The following ZFHX3 variants were observed in gnomAD, a reference collection of about 807,000 sequenced individuals.
ZFHX3 encodes zinc finger homeobox 3, also known as zinc finger homeobox protein 3.
ZFHX3 carries 42 observed loss-of-function variants against 279.1 expected under a neutral mutation model. That is an observed-to-expected ratio of 0.15 (90% CI 0.12 to 0.19). ZFHX3 has a LOEUF of 0.19. ZFHX3 is among the 10% of genes least tolerant of loss of function. The probability of loss-of-function intolerance (pLI) is 1.00; values close to 1 mark genes in which losing one functional copy is unlikely to be tolerated. For synonymous variants in ZFHX3, 2,293 were observed against 1,957.8 expected (o/e 1.17, Z -4.52); for missense variants, 4,981 against 4,754.0 (o/e 1.05, Z -1.40).
At position 73,209,396 on chromosome 16, in the gene ZFHX3, C is replaced by T. The variant is rs61265562; in HGVS notation, c.-1104+47651G>A. Among the ~76,000 whole-genome samples, 1,004 of 152,152 alleles carry T rather than the reference C, an allele frequency of 6.6e-3. 12 individuals carry two copies. Among genetic ancestry groups the T allele is most frequent in the African/African-American group, 0.023 (961 of 41,498 alleles). ...GAGGGTGGGAAGTCCAAGGTCAAGG[C>T]GCCTGCAGGTCTGGTGTCTGGTGAG... On this transcript the variant is annotated intron_variant, in intron 5 of 17. Transcript: ENST00000641206.
In ZFHX3 at chr16:72,797,920, T is replaced by C. The variant is rs150463207; in HGVS notation, c.4762A>G (p.Thr1588Ala). 2.7e-5 allele frequency: 44 copies of C among 1,614,192 alleles called. No homozygotes were observed. In the East Asian group the frequency reaches 8.9e-4, roughly 33 times the overall value. The part of the protein sequence containing the change: ...QESATGQPEP[T>A]SSPDNKPFKC... ...AAAGGTTTGTTGTCTGGGCTGCTGGTGGGTTCTGGCTGACCGGTTGCTGAT... is the reference window on the plus strand; with the variant it reads ...AAAGGTTTGTTGTCTGGGCTGCTGGCGGGTTCTGGCTGACCGGTTGCTGAT... The change falls in exon 9 of 10, where the codon ACC (threonine) becomes GCC (alanine). Residue 1588 changes from threonine (T) to alanine (A), a missense_variant. By Grantham distance (58) the Thr-to-Ala change is moderately conservative (BLOSUM62 0). Around this residue, in one of 7 missense-constraint regions of ZFHX3, gnomAD observed 1,751 missense variants for 1,770.0 expected, o/e 0.99. Transcript: ENST00000268489.
chr16:73,829,529 T>C (rs995485041), intron 1 of ZFHX3, among the ~76,000 whole-genome samples: 1 of 52,254 alleles, frequency 1.9e-5, no homozygotes, highest in Non-Finnish European at 3.3e-5. Context: ...TCCCCATCTT[T>C]GTGGTTTTAT....
At chr16:73,068,694 G>A (rs915930764) in intron 8 of ZFHX3, among the ~76,000 whole-genome samples, 1 of 152,218 alleles carries the variant, frequency 6.6e-6, no homozygotes, top group Non-Finnish European at 1.5e-5. Context: ...AACAGGAAGG[G>A]ATGATCAGAT....
At chr16:73,039,173 G>A (rs769444143) in intron 1 of ZFHX3, among the ~76,000 whole-genome samples, 23 of 151,226 alleles carry the variant, frequency 1.5e-4, no homozygotes, top group Non-Finnish European at 2.9e-4. Context: ...GCCCAGGCAG[G>A]TCTCAAGCCC....
rs150988269 is a variant in ZFHX3 at position 72,916,189 on chromosome 16, C to T, written c.3217-26227G>A. 3.9e-5 allele frequency among the ~76,000 whole-genome samples: 6 copies of T among 152,328 alleles called. No individual in the cohort carries two copies. In the East Asian group the frequency reaches 9.6e-4, roughly 24 times the overall value. On this transcript the variant is annotated intron_variant, in intron 3 of 9. Transcript: ENST00000268489. ...CTCTTCACTTCCCCCCCCTCCTCCG[C>T]CTTTCTTTTTCTCAAATAAGGTGAC... is the stretch of plus-strand genomic sequence containing the variant.
intron 1 of ZFHX3, among the ~76,000 whole-genome samples, chr16:72,986,968 A>G (rs144591583): frequency 1.3e-5 from 2 of 152,296 alleles, no homozygotes; most frequent in Non-Finnish European, 2.9e-5. Context: ...TAACACGACG[A>G]AAACAAAACC....
At chr16:73,276,869 T>G (rs1402361166) in intron 4 of ZFHX3, among the ~76,000 whole-genome samples, 1 of 152,222 alleles carries the variant, frequency 6.6e-6, no homozygotes, top group Non-Finnish European at 1.5e-5. Flanking sequence ...TCATATGGGC[T>G]AAGTCAAACT....
In ZFHX3 at chr16:72,784,919, GA is replaced by G. The variant is rs568850105; in HGVS notation, c.*2244del. ...AAATAAAATAGTCCCGGCTAAAAAA[GA>G]AAAAAAGAAAAAAAATCCATTTTCA... On this transcript the variant is annotated 3_prime_UTR_variant, in exon 10 of 10. Transcript: ENST00000268489. 1 of 151,880 alleles carries G rather than the reference GA, an allele frequency of 6.6e-6. No homozygotes were observed. Among genetic ancestry groups the G allele is most frequent in the Admixed American group, 6.6e-5 (1 of 15,238 alleles). The allele number at this position is 151,880 out of a possible 1,614,324, so 9.4% of individuals were successfully genotyped here.
intron 3 of ZFHX3, among the ~76,000 whole-genome samples, chr16:73,396,158 G>GT (rs1367438600): frequency 4.6e-5 from 7 of 152,218 alleles, no homozygotes; most frequent in Non-Finnish European, 8.8e-5. Context: ...AATATTCCCT[G>GT]TTAGCCTCCC....
chr16:73,439,476 A>G (rs2018049532), intron 3 of ZFHX3, among the ~76,000 whole-genome samples: 2 of 151,988 alleles, frequency 1.3e-5, no homozygotes, highest in African/African-American at 4.8e-5. Flanking sequence ...GCTTGTGCCA[A>G]AGAACAACTA....
chr16:73,160,782 T>TG (rs1967214202), intron 5 of ZFHX3, among the ~76,000 whole-genome samples: 1 of 150,334 alleles, frequency 6.7e-6, no homozygotes, highest in Admixed American at 6.6e-5. Context: ...CTTTTTTTTT[T>TG]TTTTTTTTTA....
chr16:72,964,224 G>C (rs1961720499), intron 1 of ZFHX3, among the ~76,000 whole-genome samples: 1 of 152,162 alleles, frequency 6.6e-6, no homozygotes, highest in Non-Finnish European at 1.5e-5. Flanking sequence ...CATAAGGAAA[G>C]AACCCAAGCA....
intron 2 of ZFHX3, among the ~76,000 whole-genome samples, chr16:73,585,484 G>A (rs1050931077): frequency 6.6e-6 from 1 of 152,106 alleles, no homozygotes; most frequent in African/African-American, 2.4e-5. Flanking sequence ...AAGACAAATA[G>A]CTAATGCATG....
chr16:73,415,935 C>T (rs189007585), intron 3 of ZFHX3, among the ~76,000 whole-genome samples: 15 of 152,146 alleles, frequency 9.9e-5, no homozygotes, highest in Admixed American at 9.8e-4. Flanking sequence ...GCCTGGCCAA[C>T]ATGGTGAAAC....
intron 1 of ZFHX3, among the ~76,000 whole-genome samples, chr16:72,994,656 T>A (rs1963214644): frequency 6.6e-6 from 1 of 152,248 alleles, no homozygotes; most frequent in Non-Finnish European, 1.5e-5. Context: ...AGGGAGCCAA[T>A]GACAGCTTCT....
At chr16:73,704,963 A>G (rs918099095) in intron 1 of ZFHX3, among the ~76,000 whole-genome samples, 5 of 152,276 alleles carry the variant, frequency 3.3e-5, no homozygotes, top group Non-Finnish European at 1.5e-5. Context: ...GCATTTGCCA[A>G]TGACCATGGT....
chr16:73,530,812 C>T (rs192051963), intron 2 of ZFHX3, among the ~76,000 whole-genome samples: 8 of 152,208 alleles, frequency 5.3e-5, no homozygotes, highest in Admixed American at 5.2e-4. Context: ...TGAGGTCATG[C>T]CTGCATTTTA....
In ZFHX3 at chr16:73,562,324, G is replaced by A. The variant is rs201951066; in HGVS notation, c.-1546-106066C>T. Among the ~76,000 whole-genome samples, 15 of 152,192 alleles carry A rather than the reference G, an allele frequency of 9.9e-5. No homozygotes were observed. In the East Asian group the frequency reaches 2.1e-3, roughly 22 times the overall value. ...GAAGTGGCTATGAGAGGCCGGGCGC[G>A]GTGGCTCACACCTGTAATCCCAGCA... On this transcript the variant is annotated intron_variant, in intron 2 of 17. Transcript: ENST00000641206.
intron 5 of ZFHX3, among the ~76,000 whole-genome samples, chr16:73,170,485 C>A (rs997769777): frequency 6.6e-6 from 1 of 152,076 alleles, no homozygotes; most frequent in African/African-American, 2.4e-5. Flanking sequence ...CTGCCTCGGC[C>A]TCTCAAAGTG....
Sources: allele counts gnomAD v4.1 joint callset (sites outside exome capture counted in the v4.1 genomes callset), GRCh38; gene constraint gnomAD v4.1.1; regional missense constraint gnomAD v4.1.1; transcripts MANE v1.5; gene names NCBI Gene and HGNC (gene_info 2026-07-23, HGNC 2026-07-21).